The following B4GALNT2 variants were observed in gnomAD, a reference collection of about 807,000 sequenced individuals.
B4GALNT2 encodes beta-1,4-N-acetyl-galactosaminyltransferase 2 (SID blood group), also known as N-acetylneuraminylgalactosylglucosyl-glucoside beta-1,4-N- acetylgalactosaminyltransferase 2.
A neutral mutation model predicts 51.1 loss-of-function variants in B4GALNT2; 42 were observed. That is an observed-to-expected ratio of 0.82 (90% CI 0.64 to 1.06). The LOEUF (loss-of-function observed/expected upper bound fraction) is 1.06, where lower values mean the gene tolerates loss of function less well. Among genes scored for constraint, B4GALNT2 ranks in the 50% least tolerant of loss-of-function variants. The pLI is 0.00. For synonymous variants in B4GALNT2, 253 were observed against 251.7 expected (o/e 1.01, Z -0.05); for missense variants, 602 against 633.6 (o/e 0.95, Z 0.54).
chr17:49,155,689 T>C (rs1055558531), intron 4 of B4GALNT2, among the ~76,000 whole-genome samples: 1 of 148,820 alleles, frequency 6.7e-6, no homozygotes, highest in South Asian at 2.1e-4. Flanking sequence ...TTATAATATA[T>C]AATATTTAAA....
chr17:49,164,144 A>G lies in B4GALNT2; in HGVS notation c.823A>G (p.Lys275Glu). 2 of 1,614,062 alleles carry G rather than the reference A, an allele frequency of 1.2e-6. No individual in the cohort carries two copies. Among genetic ancestry groups the G allele is most frequent in the African/African-American group, 1.3e-5 (1 of 75,026 alleles). Residue 275 changes from lysine to glutamate, a missense_variant, in exon 8 of 11, where the codon AAG becomes GAG. Lys to Glu is a moderately conservative substitution (Grantham distance 56). Transcript: ENST00000393354. ...TACCAAGACTTTCCTCCGCCCCCAC[A>G]AGCTCATGATCATGCTCCGGAGTAT... ...IATKTFLRPH[K>E]LMIMLRSIRE...
chr17:49,140,882 C>A (rs774907018), intron 1 of B4GALNT2, among the ~76,000 whole-genome samples: 1 of 152,044 alleles, frequency 6.6e-6, no homozygotes, highest in African/African-American at 2.4e-5. Context: ...CCATGCCCAG[C>A]TAATTTTTGT....
At chr17:49,131,670 C>T (rs567075661), upstream of B4GALNT2, among the ~76,000 whole-genome samples, 42 of 152,046 alleles carry the variant, frequency 2.8e-4, no homozygotes, top group Middle Eastern at 3.4e-3. Context: ...GCAATCACCC[C>T]GGGCTAATTT....
At chr17:49,134,231 A>G (rs2042569690) in intron 1 of B4GALNT2, among the ~76,000 whole-genome samples, 1 of 152,208 alleles carries the variant, frequency 6.6e-6, no homozygotes. Flanking sequence ...TAATTGACAA[A>G]TAATAATCGT....
chr17:49,160,774 G>A (rs1422814178), intron 7 of B4GALNT2, 133 bp downstream of exon 7: 10 of 797,598 alleles, frequency 1.3e-5, no homozygotes, highest in South Asian at 5.8e-5. Context: ...GACAAGCTTC[G>A]TTTGGAGGAA....
rs8071485 is a variant in B4GALNT2, at chr17:49,137,592, C to A, written c.15-3655C>A. 2.5e-3 allele frequency among the ~76,000 whole-genome samples: 374 copies of A among 152,264 alleles called. 7 individuals carry two copies. The highest frequency in any genetic ancestry group is 8.2e-3 in the African/African-American group (342 of 41,546). ...TTATAGCAGCACAAAACCGTACAAA[C>A]CAGACCAAGGCAGTGTGATAACAGA... On this transcript the variant is annotated intron_variant, in intron 1 of 10. Coordinates refer to ENST00000393354, the MANE Select transcript of B4GALNT2 (RefSeq NM_001159387.2).
chr17:49,169,664 T>A lies in B4GALNT2; in HGVS notation c.1457T>A (p.Leu486His). Reference protein sequence around the residue: ...KTYNTYRSNTLTRVQFKLALH... With the variant: ...KTYNTYRSNTHTRVQFKLALH... ...TACAATACATACCGGTCCAACACCC[T>A]CACCCGGGTCCAGTTCAAGCTGGCC... The change falls in exon 11 of 11, where the codon CTC becomes CAC. Residue 486 changes from leucine to histidine, a missense_variant. Transcript: ENST00000393354. 1 of 1,609,728 alleles carries A rather than the reference T, an allele frequency of 6.2e-7. No individual in the cohort carries two copies. Among genetic ancestry groups the A allele is most frequent in the South Asian group, 1.1e-5 (1 of 90,654 alleles).
intron 3 of B4GALNT2, chr17:49,148,404 AGCCTCAGCCTCG>A (rs1454069544): frequency 3.2e-6 from 1 of 314,374 alleles, no homozygotes. Context: ...TTGTTGACAC[AGCCTCAGCCTCG>A]GCATTCTTGT....
chr17:49,129,761 G>C (rs557647944), upstream of B4GALNT2, among the ~76,000 whole-genome samples: 6 of 152,124 alleles, frequency 3.9e-5, no homozygotes, highest in Non-Finnish European at 7.4e-5. Context: ...CAGAGGAGAG[G>C]TTATCTCAGG....
intron 1 of B4GALNT2, among the ~76,000 whole-genome samples, chr17:49,136,736 G>A (rs546776051): frequency 7.9e-5 from 12 of 151,914 alleles, no homozygotes; most frequent in African/African-American, 1.9e-4. Flanking sequence ...TAGTGGAGAC[G>A]GGGTTTCACC....
rs113335662 is a variant in B4GALNT2, at chr17:49,142,385, T to TAAC, written c.353+231_353+233dup. ...AACTTTGTATGTACAAAACATTTCA[T>TAAC]AACAACAACAACAACAACAAAAAGC... On this transcript the variant is annotated intron_variant, in intron 3 of 10. Transcript: ENST00000393354. Among the ~76,000 whole-genome samples, 125 of 152,168 alleles carry TAAC rather than the reference T, an allele frequency of 8.2e-4. 1 individual carries two copies. Among genetic ancestry groups the TAAC allele is most frequent in the Admixed American group, 2.0e-3 (30 of 15,274 alleles).
intron 1 of B4GALNT2, among the ~76,000 whole-genome samples, chr17:49,135,695 C>T (rs1342111002): frequency 1.3e-5 from 2 of 152,092 alleles, no homozygotes; most frequent in Non-Finnish European, 2.9e-5. Flanking sequence ...ACTCAGAAAG[C>T]TGAGGCAGGA....
At chr17:49,153,620 C>T (rs1290182366) in intron 4 of B4GALNT2, among the ~76,000 whole-genome samples, 1 of 151,856 alleles carries the variant, frequency 6.6e-6, no homozygotes, top group Non-Finnish European at 1.5e-5. Context: ...GATCCTCCTG[C>T]CTCAGCCTCC....
the B4GALNT2 span, among the ~76,000 whole-genome samples, chr17:49,121,026 A>G: frequency 6.6e-6 from 1 of 152,150 alleles, no homozygotes; most frequent in African/African-American, 2.4e-5. Context: ...TCACTTCTTC[A>G]GTCCTCTGAA....
At chr17:49,158,125 A>G (rs550188224) in intron 5 of B4GALNT2, among the ~76,000 whole-genome samples, 134 of 152,266 alleles carry the variant, frequency 8.8e-4, no homozygotes, top group African/African-American at 3.1e-3. Context: ...AAAAGGGTAG[A>G]GCAAGGAGGA....
chr17:49,164,356 G>A lies in B4GALNT2; in HGVS notation c.954+81G>A, dbSNP rs375601789. The A allele has an allele frequency of 1.5e-5, 20 of 1,305,014 alleles. No homozygotes were observed. In the East Asian group the frequency reaches 1.6e-4, roughly 11 times the overall value. 80.8% of individuals were successfully genotyped at this position (1,305,014 alleles called of 1,614,324 possible). ...GTCAGGTTCTACCCTGGATGGGGCC[G>A]CTTCCTCAAGGGTCTTCCCAAGAAA... On this transcript the variant is annotated intron_variant, in intron 8 of 10. Coordinates refer to ENST00000393354, the MANE Select transcript of B4GALNT2 (RefSeq NM_001159387.2).
At chr17:49,154,022 T>G (rs4793610) in intron 4 of B4GALNT2, among the ~76,000 whole-genome samples, 20,973 of 144,290 alleles carry the variant, frequency 0.15, 1,575 homozygotes, top group Middle Eastern at 0.19. Flanking sequence ...TTTTTTTTTT[T>G]GGGGACGGAG....
intron 1 of B4GALNT2, among the ~76,000 whole-genome samples, chr17:49,133,940 AACAAAC>A (rs1002848466): frequency 5.9e-5 from 9 of 151,856 alleles, no homozygotes; most frequent in Admixed American, 2.0e-4. Context: ...AAAACAAACA[AACAAAC>A]AAACAAAAAG....
At chr17:49,154,010 CTT>C (rs999131987) in intron 4 of B4GALNT2, among the ~76,000 whole-genome samples, 6 of 139,600 alleles carry the variant, frequency 4.3e-5, no homozygotes, top group Admixed American at 7.3e-5. Flanking sequence ...GTAAAAAGTG[CTT>C]TTTTTTTTTT....
Sources: allele counts gnomAD v4.1 joint callset (sites outside exome capture counted in the v4.1 genomes callset), GRCh38; gene constraint gnomAD v4.1.1; transcripts MANE v1.5; gene names NCBI Gene and HGNC (gene_info 2026-07-23, HGNC 2026-07-21).